PPP2R2D: variants seen among roughly 807,000 people sequenced by gnomAD.
The protein encoded by PPP2R2D is serine/threonine-protein phosphatase 2A 55 kDa regulatory subunit B delta isoform.
Under a neutral mutation model 31.1 loss-of-function variants are expected in PPP2R2D, and 9 were observed. The ratio of observed to expected loss-of-function variants is 0.29; its 90% CI spans 0.17 to 0.51. PPP2R2D has a LOEUF of 0.51. Among genes scored for constraint, PPP2R2D ranks in the 20% least tolerant of loss-of-function variants. PPP2R2D has a pLI of 0.98. For missense variants in PPP2R2D, 391 were observed against 465.6 expected (o/e 0.84, Z 1.48); for synonymous variants, 179 against 172.6 (o/e 1.04, Z -0.29).
At position 131,955,815 on chromosome 10, in the gene PPP2R2D, C is replaced by T. The variant is rs375295573; in HGVS notation, c.1214C>T (p.Thr405Met). ...AGCCTCAAACCCCGGAAGGTGTGTA[C>T]GGGGGGTAAGCGGAGGAAAGACGAG... is the stretch of plus-strand genomic sequence containing the variant. ...RASLKPRKVC[T>M]GGKRRKDEIS... The change falls in exon 9 of 9, where the codon ACG becomes ATG. Residue 405 changes from threonine (T) to methionine (M), a missense_variant. Physicochemically the swap from Thr to Met is moderately conservative, Grantham distance 81. Coordinates refer to ENST00000455566, the MANE Select transcript of PPP2R2D (RefSeq NM_018461.5). The T allele has an allele frequency of 7.0e-5, 112 of 1,608,480 alleles. No individual in the cohort carries two copies. The highest frequency in any genetic ancestry group is 3.3e-4 in the Middle Eastern group (2 of 6,064).
In PPP2R2D at chr10:131,947,521, G is replaced by C. The variant is rs2036564029; in HGVS notation, c.821-9G>C. ...ACAGAAGCTGAAAACATTTTATTTT[G>C]TTTTTCAGTTTTTGAAGAGCCTGAA... On this transcript the variant is annotated splice_polypyrimidine_tract_variant and intron_variant, in intron 7 of 8. Coordinates refer to ENST00000455566, the MANE Select transcript of PPP2R2D (RefSeq NM_018461.5). This position sits in a 1 kb window ranked among gnomAD's most constrained non-coding sequence, Gnocchi z 4.3. 10 of 1,607,840 alleles carry C rather than the reference G, an allele frequency of 6.2e-6. No individual in the cohort carries two copies. The highest frequency in any genetic ancestry group is 8.5e-6 in the Non-Finnish European group (10 of 1,176,536).
In PPP2R2D at chr10:131,956,026, G is replaced by C; in HGVS notation, c.*63G>C. 1.4e-6 allele frequency: 2 copies of C among 1,379,562 alleles called. No individual in the cohort carries two copies. 85.5% of individuals were successfully genotyped at this position (1,379,562 alleles called of 1,614,324 possible). ...TTAAGCCGGACATTTTTCTGTCAGA[G>C]AAAAGGCATCATTGTCCGCTCCATT... On this transcript the variant is annotated 3_prime_UTR_variant, in exon 9 of 9. Transcript: ENST00000455566.
At chr10:131,914,201 G>A (rs1190398000) in intron 2 of PPP2R2D, among the ~76,000 whole-genome samples, 6 of 152,166 alleles carry the variant, frequency 3.9e-5, no homozygotes, top group Non-Finnish European at 4.4e-5. Context: ...CATAGAAATG[G>A]TATTAATGAG....
chr10:131,946,928 G>A (rs2119920033), intron 7 of PPP2R2D, among the ~76,000 whole-genome samples: 1 of 152,072 alleles, frequency 6.6e-6, no homozygotes, highest in African/African-American at 2.4e-5. Context: ...TTGGCTGGCT[G>A]GCTTTGACCG....
In PPP2R2D at chr10:131,940,076, A is replaced by G. The variant is rs1554896994; in HGVS notation, c.244A>G (p.Thr82Ala). ...HSRGEYNVYS[T>A]FQSHEPEFDY... ...TAGGGGAGAATATAATGTTTACAGC[A>G]CCTTTCAAAGTCATGAACCGGAGTT... The change falls in exon 4 of 9, where the codon ACC becomes GCC. Residue 82 changes from threonine (T) to alanine (A), a missense_variant. By Grantham distance (58) the Thr-to-Ala change is moderately conservative. Coordinates refer to ENST00000455566, the MANE Select transcript of PPP2R2D (RefSeq NM_018461.5). 1 of 776,806 alleles carries G rather than the reference A, an allele frequency of 1.3e-6. No individual in the cohort carries two copies. Among genetic ancestry groups the G allele is most frequent in the Non-Finnish European group, 2.4e-6 (1 of 416,820 alleles). 48.1% of individuals were successfully genotyped at this position (776,806 alleles called of 1,614,324 possible).
At position 131,939,586 on chromosome 10, in the gene PPP2R2D, G is replaced by A. The variant is rs12774793; in HGVS notation, c.199-445G>A. On this transcript the variant is annotated intron_variant, in intron 3 of 8. Coordinates refer to ENST00000455566, the MANE Select transcript of PPP2R2D (RefSeq NM_018461.5). The stretch of plus-strand genomic sequence containing the variant: ...CTGTATTTGGCAGACCTGCTCCAGA[G>A]AACACGGCAGGCTGCGTTTGGCAGA... 2.3e-4 allele frequency among the ~76,000 whole-genome samples: 24 copies of A among 102,252 alleles called. 1 individual carries two copies. The highest frequency in any genetic ancestry group is 7.3e-4 in the South Asian group (2 of 2,744). 67.1% of individuals were successfully genotyped at this position (102,252 alleles called of 152,430 possible). A position where few individuals can be genotyped will look rare whatever the true frequency, so the allele number is the denominator to read the frequency against.
chr10:131,942,220 C>T (rs2119865078), intron 5 of PPP2R2D, among the ~76,000 whole-genome samples: 1 of 152,322 alleles, frequency 6.6e-6, no homozygotes, highest in East Asian at 1.9e-4. Context: ...CCTGCCACAA[C>T]CCATCAGCTC....
At chr10:131,940,963 T>G (rs2036431248) in intron 5 of PPP2R2D, 1 of 326,488 alleles carries the variant, frequency 3.1e-6, no homozygotes, top group African/African-American at 2.1e-5. Flanking sequence ...GCAGAAATCT[T>G]TGTGGACATA....
chr10:131,969,541 C>G, the PPP2R2D span: 1 of 152,264 alleles, frequency 6.6e-6, no homozygotes, highest in African/African-American at 2.4e-5. Context: ...GCCACGCACA[C>G]GGGAGGGCGA....
intron 8 of PPP2R2D, among the ~76,000 whole-genome samples, chr10:131,954,102 GTC>G: frequency 6.6e-6 from 1 of 152,308 alleles, no homozygotes; most frequent in African/African-American, 2.4e-5. Flanking sequence ...TTACGCCTGT[GTC>G]TCTGTCTGTG....
rs782497447 is a variant in PPP2R2D, at chr10:131,934,844, A to G, written c.198+289A>G. 34 of 495,186 alleles carry G rather than the reference A, an allele frequency of 6.9e-5. No individual in the cohort carries two copies. In the Middle Eastern group the frequency reaches 1.8e-3, roughly 26 times the overall value. 30.7% of individuals were successfully genotyped at this position (495,186 alleles called of 1,614,324 possible). On this transcript the variant is annotated intron_variant, in intron 3 of 8. Coordinates refer to ENST00000455566, the MANE Select transcript of PPP2R2D (RefSeq NM_018461.5). The stretch of plus-strand genomic sequence containing the variant: ...AGGTGCATTTATGTGCTTTCATTCC[A>G]TAAGAACTCACGCGGCTCTCTCTGA...
chr10:131,920,566 C>CT (rs1300910095), intron 2 of PPP2R2D, among the ~76,000 whole-genome samples: 1 of 152,186 alleles, frequency 6.6e-6, no homozygotes, highest in African/African-American at 2.4e-5. Flanking sequence ...AATTTCATTC[C>CT]TTTTTTTGGC....
At chr10:131,901,743 G>A (rs1248941292) in intron 2 of PPP2R2D, among the ~76,000 whole-genome samples, 1 of 152,176 alleles carries the variant, frequency 6.6e-6, no homozygotes, top group Non-Finnish European at 1.5e-5. Context: ...CGGCACAATG[G>A]CCCAGAGGCT....
At chr10:131,940,770 G>C in intron 5 of PPP2R2D, 76 bp downstream of exon 5, 1 of 696,404 alleles carries the variant, frequency 1.4e-6, no homozygotes. Context: ...TCTGGAGAGT[G>C]CTGCGCGGTG....
intron 8 of PPP2R2D, among the ~76,000 whole-genome samples, chr10:131,950,627 A>T (rs1359983566): frequency 1.3e-5 from 2 of 152,340 alleles, no homozygotes; most frequent in South Asian, 2.1e-4. Flanking sequence ...CAGGAAACTC[A>T]GTAGAGCGAG....
At chr10:131,954,139 A>G (rs1564827162) in intron 8 of PPP2R2D, among the ~76,000 whole-genome samples, 1 of 152,234 alleles carries the variant, frequency 6.6e-6, no homozygotes, top group Non-Finnish European at 1.5e-5. Flanking sequence ...GGCCAGCACC[A>G]GGCTGCTGGG....
chr10:131,953,736 G>GGT (rs200197565), intron 8 of PPP2R2D, among the ~76,000 whole-genome samples: 1 of 66,112 alleles, frequency 1.5e-5, no homozygotes, highest in Non-Finnish European at 2.9e-5. Flanking sequence ...GTGACTTGCT[G>GGT]GTGTGCGGGG....
chr10:131,947,647 C>T lies in PPP2R2D; in HGVS notation c.938C>T (p.Ser313Leu), dbSNP rs782395807. The T allele has an allele frequency of 1.3e-5, 21 of 1,614,104 alleles. No homozygotes were observed. The highest frequency in any genetic ancestry group is 1.7e-5 in the Admixed American group (1 of 60,012). ...TACATGATGACCAGAGACTACCTGT[C>T]GGTGAAGGTGTGGGACCTCAACATG... is the stretch of plus-strand genomic sequence containing the variant. ...GRYMMTRDYL[S>L]VKVWDLNMES... Residue 313 changes from serine (S) to leucine (L), a missense_variant, in exon 8 of 9, where the codon TCG becomes TTG. Physicochemically the swap from Ser to Leu is moderately radical, Grantham distance 145 (BLOSUM62 -2). This residue lies in a region of PPP2R2D where 123 missense variants were observed against 187.7 expected (regional missense o/e 0.66). Transcript: ENST00000455566. This position sits in a 1 kb window ranked among gnomAD's most constrained non-coding sequence, Gnocchi z 4.3.
At chr10:131,918,365 A>G (rs1443545521) in intron 2 of PPP2R2D, among the ~76,000 whole-genome samples, 4 of 136,534 alleles carry the variant, frequency 2.9e-5, no homozygotes, top group Non-Finnish European at 6.4e-5. Flanking sequence ...GGAATGACAC[A>G]GTGTTTGTAG....
Sources: allele counts gnomAD v4.1 joint callset (sites outside exome capture counted in the v4.1 genomes callset), GRCh38; gene constraint gnomAD v4.1.1; regional missense constraint gnomAD v4.1.1; non-coding constraint Gnocchi (gnomAD v3.1); transcripts MANE v1.5; gene names NCBI Gene and HGNC (gene_info 2026-07-23, HGNC 2026-07-21).